Variants in TMC1 observed in about 807,000 individuals in gnomAD.
TMC1 encodes the protein transmembrane channel like 1.
TMC1 carries 84 observed loss-of-function variants against 105.8 expected under a neutral mutation model. The ratio of observed to expected loss-of-function variants is 0.79; its 90% CI spans 0.67 to 0.95. The LOEUF is 0.95. Ranked by LOEUF, TMC1 falls within the 40% of genes least tolerant of loss-of-function variation. The probability of loss-of-function intolerance (pLI) is 0.00; values close to 1 mark genes in which losing one functional copy is unlikely to be tolerated. For missense variants in TMC1, 817 were observed against 914.1 expected (o/e 0.89, Z 1.37); for synonymous variants, 315 against 311.5 (o/e 1.01, Z -0.12).
chr9:72,751,842 T>C lies in TMC1; in HGVS notation c.536-8T>C. 1 of 1,579,438 alleles carries C rather than the reference T, an allele frequency of 6.3e-7. No individual in the cohort carries two copies. Among genetic ancestry groups the C allele is most frequent in the African/African-American group, 1.3e-5 (1 of 74,400 alleles). ...CTCTCTTCAAACTTTTTATTTTCTTTGTAATAGGTCAGTTTGGCTCCTCAG... is the reference window on the plus strand; with the variant it reads ...CTCTCTTCAAACTTTTTATTTTCTTCGTAATAGGTCAGTTTGGCTCCTCAG... On this transcript the variant is annotated splice_region_variant and splice_polypyrimidine_tract_variant and intron_variant, in intron 10 of 23. Transcript: ENST00000297784.
chr9:72,760,500 A>G (rs1251305429), intron 12 of TMC1, among the ~76,000 whole-genome samples: 1 of 152,046 alleles, frequency 6.6e-6, no homozygotes, highest in East Asian at 1.9e-4. Context: ...TATCTAGGCT[A>G]TCATTATCTA....
intron 13 of TMC1, among the ~76,000 whole-genome samples, chr9:72,779,888 C>A (rs1227355170): frequency 1.3e-5 from 2 of 152,156 alleles, no homozygotes. Flanking sequence ...GAGAGGTCAA[C>A]ATTCAGATTC....
intron 13 of TMC1, among the ~76,000 whole-genome samples, chr9:72,775,944 C>T (rs935834046): frequency 3.9e-5 from 6 of 152,036 alleles, no homozygotes; most frequent in African/African-American, 1.4e-4. Flanking sequence ...ACTTACTATC[C>T]CCTGCAAAAG....
chr9:72,730,631 G>T (rs1218097493), intron 8 of TMC1, among the ~76,000 whole-genome samples: 1 of 152,142 alleles, frequency 6.6e-6, no homozygotes, highest in Non-Finnish European at 1.5e-5. Context: ...ATATACTGGG[G>T]CTGGGTGAGG....
intron 8 of TMC1, among the ~76,000 whole-genome samples, chr9:72,739,096 A>G (rs2118011013): frequency 6.6e-6 from 1 of 152,346 alleles, no homozygotes; most frequent in Admixed American, 6.5e-5. Context: ...ACAGCCATTT[A>G]TTTCTCACAG....
chr9:72,750,690 C>G (rs1588064825), intron 10 of TMC1, among the ~76,000 whole-genome samples: 1 of 152,114 alleles, frequency 6.6e-6, no homozygotes, highest in Admixed American at 6.6e-5. Flanking sequence ...TGCTCATCAC[C>G]CCTTCCTCTG....
Position 72,837,614 on chromosome 9 carries a change from G to T in TMC1, c.*1641G>T, listed in dbSNP as rs1295784955. ...GTTTAAGCATTATTATGGATTTACA[G>T]TTTGAATTGACTTTAAGTAGTAACA... On this transcript the variant is annotated 3_prime_UTR_variant, in exon 24 of 24. Coordinates refer to ENST00000297784, the MANE Select transcript of TMC1 (RefSeq NM_138691.3). 5 of 152,190 alleles carry T rather than the reference G, an allele frequency of 3.3e-5. No individual in the cohort carries two copies. The highest frequency in any genetic ancestry group is 7.3e-5 in the Non-Finnish European group (5 of 68,042). The allele number at this position is 152,190 out of a possible 1,614,324, so 9.4% of individuals were successfully genotyped here. A position where few individuals can be genotyped will look rare whatever the true frequency, so the allele number is the denominator to read the frequency against.
chr9:72,821,770 C>T (rs1828878015), intron 20 of TMC1, among the ~76,000 whole-genome samples: 1 of 152,124 alleles, frequency 6.6e-6, no homozygotes, highest in African/African-American at 2.4e-5. Context: ...CAGACGTGGT[C>T]AGCTATCACT....
chr9:72,804,444 T>C (rs933278497), intron 17 of TMC1, among the ~76,000 whole-genome samples: 4 of 152,234 alleles, frequency 2.6e-5, no homozygotes, highest in African/African-American at 9.7e-5. Context: ...TATATTCACA[T>C]AGTTATGCAT....
chr9:72,747,362 G>A (rs1052844165), intron 10 of TMC1, among the ~76,000 whole-genome samples: 2 of 152,098 alleles, frequency 1.3e-5, no homozygotes, highest in African/African-American at 4.8e-5. Flanking sequence ...TTCCCATTTA[G>A]AAATACTCAT....
chr9:72,757,545 T>C (rs536178742), intron 12 of TMC1, among the ~76,000 whole-genome samples: 33 of 152,326 alleles, frequency 2.2e-4, no homozygotes, highest in African/African-American at 6.0e-4. Context: ...CATAATGAGA[T>C]ATCTTGAAGA....
chr9:72,527,940 G>C (rs1180188025), intron 1 of TMC1, among the ~76,000 whole-genome samples: 1 of 152,078 alleles, frequency 6.6e-6, no homozygotes, highest in East Asian at 1.9e-4. Context: ...ATGTCTTTCA[G>C]TGTTCCTGTT....
intron 8 of TMC1, among the ~76,000 whole-genome samples, chr9:72,731,465 G>T (rs1311546988): frequency 6.6e-6 from 1 of 152,198 alleles, no homozygotes; most frequent in Non-Finnish European, 1.5e-5. Flanking sequence ...TGTAGGAGAA[G>T]AGAAAGGGTA....
intron 6 of TMC1, among the ~76,000 whole-genome samples, chr9:72,691,630 CCTT>C (rs1367996520): frequency 2.6e-5 from 4 of 152,094 alleles, no homozygotes; most frequent in African/African-American, 4.8e-5. Flanking sequence ...CCTCCAGTGT[CCTT>C]CTGTCATAAC....
intron 1 of TMC1, among the ~76,000 whole-genome samples, chr9:72,542,295 T>C (rs1024959205): frequency 2.0e-5 from 3 of 152,136 alleles, no homozygotes; most frequent in Admixed American, 1.3e-4. Context: ...ACCCCGTCTC[T>C]GCTAAAAATA....
intron 17 of TMC1, among the ~76,000 whole-genome samples, chr9:72,793,491 G>C (rs1828311104): frequency 6.6e-6 from 1 of 152,204 alleles, no homozygotes; most frequent in African/African-American, 2.4e-5. Context: ...GCACAGCATA[G>C]CTGTTCTATG....
chr9:72,570,230 AGTGTGTGTGTGTGTGTGT>A (rs3223165), intron 1 of TMC1, among the ~76,000 whole-genome samples: 4 of 145,588 alleles, frequency 2.7e-5, no homozygotes, highest in Non-Finnish European at 3.0e-5. Flanking sequence ...CTCAAAGAGT[AGTGTGTGTGTGTGTGTGT>A]GTGTGTGTGT....
intron 2 of TMC1, among the ~76,000 whole-genome samples, chr9:72,615,138 C>T (rs1005485093): frequency 1.3e-5 from 2 of 152,266 alleles, no homozygotes; most frequent in African/African-American, 2.4e-5. Context: ...ATGTTAAATA[C>T]ATAGTTTAAT....
chr9:72,712,717 A>G (rs371599399), intron 8 of TMC1, among the ~76,000 whole-genome samples: 6 of 152,162 alleles, frequency 3.9e-5, no homozygotes, highest in Non-Finnish European at 7.4e-5. Context: ...CTGCAAACAG[A>G]GACAATGTGA....
Sources: allele counts gnomAD v4.1 joint callset (sites outside exome capture counted in the v4.1 genomes callset), GRCh38; gene constraint gnomAD v4.1.1; transcripts MANE v1.5; gene names NCBI Gene and HGNC (gene_info 2026-07-23, HGNC 2026-07-21).